ZNF653: variants seen among roughly 807,000 people sequenced by gnomAD.
ZNF653 encodes 67 kDa zinc finger protein.
A neutral mutation model predicts 59.9 loss-of-function variants in ZNF653; 37 were observed. The ratio of observed to expected loss-of-function variants is 0.62; its 90% CI spans 0.48 to 0.81. The LOEUF (loss-of-function observed/expected upper bound fraction) is 0.81, where lower values mean the gene tolerates loss of function less well. ZNF653 is among the 40% of genes least tolerant of loss of function. ZNF653 has a pLI of 0.00. For missense variants in ZNF653, 808 were observed against 881.1 expected (o/e 0.92, Z 1.05); for synonymous variants, 435 against 371.8 (o/e 1.17, Z -1.96).
chr19:11,504,820 A>G (rs1971690626), intron 1 of ZNF653: 1 of 152,394 alleles, frequency 6.6e-6, no homozygotes, highest in African/African-American at 2.4e-5. Context: ...GCAGGAAGGG[A>G]AAAACTCCAT....
intron 2 of ZNF653, 39 bp downstream of exon 2, chr19:11,498,257 C>G (rs1415507505): frequency 1.9e-6 from 3 of 1,613,578 alleles, no homozygotes; most frequent in Non-Finnish European, 2.5e-6. Context: ...CCACCGCTCC[C>G]AACTCTCCCC....
chr19:11,505,336 C>A (rs1394399294), intron 1 of ZNF653, 152 bp downstream of exon 1: 2 of 763,430 alleles, frequency 2.6e-6, no homozygotes, highest in Non-Finnish European at 3.8e-6. Context: ...CGCGTCCCGG[C>A]CAGGCAGTAC....
chr19:11,492,048 A>G (rs375995018), intron 3 of ZNF653, among the ~76,000 whole-genome samples: 1 of 151,148 alleles, frequency 6.6e-6, no homozygotes, highest in African/African-American at 2.4e-5. Context: ...AGTGCACTCT[A>G]TATTTTATTT....
chr19:11,491,125 C>G (rs893980921), intron 3 of ZNF653, among the ~76,000 whole-genome samples: 2 of 152,236 alleles, frequency 1.3e-5, no homozygotes, highest in Non-Finnish European at 2.9e-5. Context: ...TCTTTTGGGT[C>G]CCCGGCTCCT....
chr19:11,501,461 G>C (rs1226558476), intron 1 of ZNF653, among the ~76,000 whole-genome samples: 3 of 140,010 alleles, frequency 2.1e-5, no homozygotes, highest in Non-Finnish European at 4.4e-5. Context: ...TTACAGGTGT[G>C]AGCCACTAGC....
At chr19:11,498,866 T>C (rs1272372139) in intron 1 of ZNF653, among the ~76,000 whole-genome samples, 1 of 151,214 alleles carries the variant, frequency 6.6e-6, no homozygotes, top group Non-Finnish European at 1.5e-5. Flanking sequence ...TGCCTCAGAC[T>C]CCTGAATAGC....
rs1245567968 is a variant in ZNF653 at position 11,487,768 on chromosome 19, C to G, written c.695G>C (p.Gly232Ala). Residue 232 changes from glycine (G) to alanine (A), a missense_variant, in exon 4 of 9, where the codon GGC (glycine) becomes GCC (alanine). Gly to Ala is a moderately conservative substitution (Grantham distance 60, BLOSUM62 0). Transcript: ENST00000293771. This position sits in a 1 kb window ranked among gnomAD's most constrained non-coding sequence, Gnocchi z 5.1. ...AAAATPTSPVGSSGLITQEGV... is the reference protein window; with the variant it reads ...AAAATPTSPVASSGLITQEGV... ...CTCCTGAGTGATGAGCCCGCTGCTG[C>G]CCACCGGGCTGGTGGGCGTCGCTGC... 6.2e-7 allele frequency: 1 copy of G among 1,612,754 alleles called. No homozygotes were observed. Among genetic ancestry groups the G allele is most frequent in the Non-Finnish European group, 8.5e-7 (1 of 1,179,790 alleles).
chr19:11,488,488 G>A (rs1971495472), intron 3 of ZNF653, among the ~76,000 whole-genome samples: 1 of 151,780 alleles, frequency 6.6e-6, no homozygotes. Flanking sequence ...GTTTCATCAT[G>A]TTGGCCAGGC....
Position 11,483,498 on chromosome 19 carries a change from C to A in ZNF653, c.*184G>T. The A allele has an allele frequency of 7.2e-7, 1 of 1,398,602 alleles. No individual in the cohort carries two copies. Among genetic ancestry groups the A allele is most frequent in the African/African-American group, 1.5e-5 (1 of 66,988 alleles). 86.6% of individuals were successfully genotyped at this position (1,398,602 alleles called of 1,614,324 possible). ...CCAGCAATGCAGCCCCAGGCACCAG[C>A]TCCGAGAAGGATGCGGTGGGGCGGG... On this transcript the variant is annotated 3_prime_UTR_variant, in exon 9 of 9. Transcript: ENST00000293771.
chr19:11,505,769 T>C lies in ZNF653; in HGVS notation c.18A>G (p.Leu6=), dbSNP rs1971716388. ...CAGCCTCCGCCTCCGCCTCGGGCTC[T>C]AGCGCCCGCTCCGCCATCCCCCCCA... is the stretch of plus-strand genomic sequence containing the variant. MAERA[L]EPEAEAEAEA... Residue 6 remains leucine, a synonymous_variant, in exon 1 of 9, where the codon CTA becomes CTG. Coordinates refer to ENST00000293771, the MANE Select transcript of ZNF653 (RefSeq NM_138783.4). 3 of 1,408,506 alleles carry C rather than the reference T, an allele frequency of 2.1e-6. No homozygotes were observed. Among genetic ancestry groups the C allele is most frequent in the South Asian group, 1.5e-5 (1 of 66,176 alleles). 87.3% of individuals were successfully genotyped at this position (1,408,506 alleles called of 1,614,324 possible).
At chr19:11,503,781 G>C (rs1971671604) in intron 1 of ZNF653, among the ~76,000 whole-genome samples, 1 of 151,976 alleles carries the variant, frequency 6.6e-6, no homozygotes, top group South Asian at 2.1e-4. Flanking sequence ...ACTCTGGCCT[G>C]GGTGACAAAG....
intron 1 of ZNF653, chr19:11,504,429 AC>A (rs1248706384): frequency 1.4e-6 from 1 of 714,858 alleles, no homozygotes; most frequent in Non-Finnish European, 1.7e-6. Context: ...AGAAAAACGA[AC>A]AAAAAAACCC....
At position 11,505,716 on chromosome 19, in the gene ZNF653, G is replaced by A. The variant is rs1599572180; in HGVS notation, c.71C>T (p.Ala24Val). 1 of 1,478,190 alleles carries A rather than the reference G, an allele frequency of 6.8e-7. No homozygotes were observed. Among genetic ancestry groups the A allele is most frequent in the East Asian group, 2.9e-5 (1 of 34,966 alleles). 91.6% of individuals were successfully genotyped at this position (1,478,190 alleles called of 1,614,324 possible). Residue 24 changes from alanine (A) to valine (V), a missense_variant, in exon 1 of 9, where the codon GCC (alanine) becomes GTC (valine). Transcript: ENST00000293771. ...AEAGAGGEAA[A>V]EEGAAGRKAR... is the part of the protein sequence containing the mutation. Reference sequence around the variant, plus strand: ...CTTTCGGCCCGCTGCGCCCTCCTCGGCTGCTGCCTCCCCGCCCGCGCCCGC... The same window carrying A: ...CTTTCGGCCCGCTGCGCCCTCCTCGACTGCTGCCTCCCCGCCCGCGCCCGC...
At position 11,487,474 on chromosome 19, in the gene ZNF653, A is replaced by G; in HGVS notation, c.989T>C (p.Leu330Pro). 1.2e-6 allele frequency: 2 copies of G among 1,613,510 alleles called. No homozygotes were observed. The highest frequency in any genetic ancestry group is 1.7e-6 in the Non-Finnish European group (2 of 1,179,974). The change falls in exon 4 of 9, where the codon CTC (leucine) becomes CCC (proline). Residue 330 changes from leucine (L) to proline (P), a missense_variant. Coordinates refer to ENST00000293771, the MANE Select transcript of ZNF653 (RefSeq NM_138783.4). The surrounding 1 kb of genome is among the most constrained non-coding windows in gnomAD (Gnocchi z 5.1). Reference sequence around the variant, plus strand: ...GTTGAGGTGAATGCCCTCGGCCGTGAGAGCGTCGTAACCAGGGCCCGCAAT... The same window carrying G: ...GTTGAGGTGAATGCCCTCGGCCGTGGGAGCGTCGTAACCAGGGCCCGCAAT... ...IIIAGPGYDA[L>P]TAEGIHLNMA...
At chr19:11,502,237 G>A (rs1327990011) in intron 1 of ZNF653, among the ~76,000 whole-genome samples, 2 of 152,056 alleles carry the variant, frequency 1.3e-5, no homozygotes, top group South Asian at 4.1e-4. Flanking sequence ...GACTACAGGC[G>A]TGCGCCACCA....
chr19:11,493,249 G>T (rs140374213), intron 3 of ZNF653, among the ~76,000 whole-genome samples: 1 of 151,176 alleles, frequency 6.6e-6, no homozygotes, highest in East Asian at 2.0e-4. Flanking sequence ...GTAGAGATGG[G>T]GTTTCACCAT....
At position 11,505,540 on chromosome 19, in the gene ZNF653, G is replaced by T; in HGVS notation, c.247C>A (p.Leu83Ile). Residue 83 changes from leucine (L) to isoleucine (I), a missense_variant, in exon 1 of 9, where the codon CTC (leucine) becomes ATC (isoleucine). Coordinates refer to ENST00000293771, the MANE Select transcript of ZNF653 (RefSeq NM_138783.4). ...RRRSGWSDAK[L>I]AAYLISLERG... ...TCCAGAGAGATGAGGTAGGCGGCGAGCTTGGCGTCGCTCCAGCCGCTGCGG... is the reference window on the plus strand; with the variant it reads ...TCCAGAGAGATGAGGTAGGCGGCGATCTTGGCGTCGCTCCAGCCGCTGCGG... 1 of 1,514,706 alleles carries T rather than the reference G, an allele frequency of 6.6e-7. No individual in the cohort carries two copies. The allele number at this position is 1,514,706 out of a possible 1,614,324, so 93.8% of individuals were successfully genotyped here.
intron 7 of ZNF653, among the ~76,000 whole-genome samples, chr19:11,485,137 G>A (rs565290268): frequency 3.3e-5 from 5 of 151,640 alleles, no homozygotes; most frequent in Non-Finnish European, 7.4e-5. Flanking sequence ...CTGGCCCTCA[G>A]GGCATGCCCT....
rs761437861 is a variant in ZNF653, at chr19:11,487,202, G to GC, written c.1172-45dup. On this transcript the variant is annotated intron_variant, in intron 4 of 8. Coordinates refer to ENST00000293771, the MANE Select transcript of ZNF653 (RefSeq NM_138783.4). The surrounding 1 kb of genome is among the most constrained non-coding windows in gnomAD (Gnocchi z 5.1). ...GTGGTGTCCGCAGGGGACGAAGGCT[G>GC]CCGAGGTGCCCACTTCGAGGGCCAT... 1.9e-6 allele frequency: 3 copies of GC among 1,603,960 alleles called. No homozygotes were observed.
Sources: gnomAD v4.1 joint callset for allele counts (sites outside exome capture counted in the v4.1 genomes callset) on GRCh38, gnomAD v4.1.1 for gene constraint, Gnocchi (gnomAD v3.1) non-coding constraint, MANE v1.5 for transcripts, NCBI Gene and HGNC (gene_info 2026-07-23, HGNC 2026-07-21) for gene names.